Variants in ANKMY1 observed in about 807,000 individuals in gnomAD.
ANKMY1 encodes the protein ankyrin repeat and MYND domain-containing protein 1.
A neutral mutation model predicts 102.0 loss-of-function variants in ANKMY1; 98 were observed. The ratio of observed to expected loss-of-function variants is 0.96; its 90% CI spans 0.82 to 1.14. ANKMY1 has a LOEUF of 1.14. Ranked by LOEUF, ANKMY1 falls within the 50% of genes most tolerant of loss-of-function variation. ANKMY1 has a pLI of 0.00. For missense variants in ANKMY1, 1,330 were observed against 1,347.6 expected, an observed-to-expected ratio of 0.99 and a Z score of 0.20; for synonymous variants, 582 against 559.9, an observed-to-expected ratio of 1.04 and a Z score of -0.56.
chr2:240,545,790 C>T (rs1056800762), intron 4 of ANKMY1, among the ~76,000 whole-genome samples: 117 of 151,944 alleles, frequency 7.7e-4, no homozygotes, highest in Non-Finnish European at 1.3e-3. Context: ...TGAAATGAAG[C>T]GAGAAGGGAA....
chr2:240,470,811 A>G, the ANKMY1 span, among the ~76,000 whole-genome samples: 1 of 152,236 alleles, frequency 6.6e-6, no homozygotes, highest in African/African-American at 2.4e-5. Context: ...GAAATTCTGG[A>G]AAAAGTCAGT....
At chr2:240,533,393 T>A (rs1441997710) in intron 4 of ANKMY1, among the ~76,000 whole-genome samples, 1 of 152,014 alleles carries the variant, frequency 6.6e-6, no homozygotes, top group African/African-American at 2.4e-5. Context: ...AAAAGAAAAA[T>A]CATGAGCTAA....
At chr2:240,503,934 C>A (rs1320611954) in intron 13 of ANKMY1, among the ~76,000 whole-genome samples, 1 of 152,182 alleles carries the variant, frequency 6.6e-6, no homozygotes, top group Non-Finnish European at 1.5e-5. Context: ...GCACCATGAG[C>A]TGAGGAGGGC....
chr2:240,560,562 A>G (rs2092885370), upstream of ANKMY1: 2 of 1,272,104 alleles, frequency 1.6e-6, no homozygotes, highest in Non-Finnish European at 2.0e-6. Context: ...TCCACCTCGG[A>G]GGCCTCTAGG....
chr2:240,472,991 G>A, the ANKMY1 span, among the ~76,000 whole-genome samples: 1 of 89,858 alleles, frequency 1.1e-5, no homozygotes, highest in Admixed American at 1.0e-4. Context: ...CAGACATGGT[G>A]GTGCATGCTT....
chr2:240,560,860 G>T, upstream of ANKMY1: 1 of 1,350,602 alleles, frequency 7.4e-7, no homozygotes, highest in Non-Finnish European at 9.6e-7. Context: ...CCCGGCCCGC[G>T]CGCGCCCGGC....
chr2:240,490,716 T>TAA (rs1402896207), intron 15 of ANKMY1, among the ~76,000 whole-genome samples: 7 of 152,314 alleles, frequency 4.6e-5, no homozygotes, highest in African/African-American at 1.7e-4. Context: ...TTTGATCTTT[T>TAA]AAGTTTGTTG....
chr2:240,560,955 G>A (rs1254360104), upstream of ANKMY1: 2 of 1,520,676 alleles, frequency 1.3e-6, no homozygotes, highest in South Asian at 1.2e-5. Flanking sequence ...CGCCATGGAG[G>A]CCGCGGTGCG....
At chr2:240,519,197 G>A (rs776599409) in intron 9 of ANKMY1, among the ~76,000 whole-genome samples, 3 of 152,270 alleles carry the variant, frequency 2.0e-5, no homozygotes, top group African/African-American at 2.4e-5. Flanking sequence ...CACCCATCTG[G>A]AATCTTCACA....
At chr2:240,531,186 T>C (rs2085306541) in intron 4 of ANKMY1, among the ~76,000 whole-genome samples, 1 of 152,128 alleles carries the variant, frequency 6.6e-6, no homozygotes, top group Non-Finnish European at 1.5e-5. Flanking sequence ...CAAACCATAA[T>C]AACATACCAC....
intron 13 of ANKMY1, 36 bp downstream of exon 13, chr2:240,507,524 C>G (rs2079304105): frequency 2.5e-6 from 4 of 1,579,944 alleles, no homozygotes; most frequent in Admixed American, 1.7e-5. Flanking sequence ...CCCTCAAACC[C>G]CCTCACCAGG....
rs931106393 is a variant in ANKMY1 at position 240,499,428 on chromosome 2, G to A, written c.2806+530C>T. On this transcript the variant is annotated intron_variant, in intron 15 of 17. Coordinates refer to ENST00000401804, the MANE Select transcript of ANKMY1 (RefSeq NM_001282771.3). This position sits in a 1 kb window ranked among gnomAD's most constrained non-coding sequence, Gnocchi z 4.2. The stretch of plus-strand genomic sequence containing the variant: ...GTGGGGGTGACCAGGTGGGTGGGAG[G>A]TGGGTATGTGGGAGTGACTAGGTGG... 6.7e-6 allele frequency among the ~76,000 whole-genome samples: 1 copy of A among 149,160 alleles called. No homozygotes were observed. The highest frequency in any genetic ancestry group is 1.5e-5 in the Non-Finnish European group (1 of 67,152).
chr2:240,487,513 A>T (rs2076184736), intron 15 of ANKMY1, among the ~76,000 whole-genome samples: 1 of 152,130 alleles, frequency 6.6e-6, no homozygotes. Context: ...TGACTGCTGG[A>T]TCAAATGATA....
At chr2:240,541,781 C>T (rs986806314) in intron 4 of ANKMY1, among the ~76,000 whole-genome samples, 3 of 151,972 alleles carry the variant, frequency 2.0e-5, no homozygotes, top group Non-Finnish European at 4.4e-5. Context: ...GGATTACAGG[C>T]GTGAGCCACC....
intron 17 of ANKMY1, 96 bp from the exon 18 acceptor site, chr2:240,479,751 G>A (rs2075129140): frequency 9.1e-7 from 1 of 1,096,930 alleles, no homozygotes; most frequent in Non-Finnish European, 1.4e-6. Context: ...TGGGGCGGCT[G>A]AGGACTGTGC....
chr2:240,556,474 G>T (rs1400320932), intron 2 of ANKMY1, among the ~76,000 whole-genome samples: 1 of 152,232 alleles, frequency 6.6e-6, no homozygotes, highest in African/African-American at 2.4e-5. Context: ...TGCTGTTTGA[G>T]CACAAAGGAG....
chr2:240,507,371 C>A (rs1181506569), intron 13 of ANKMY1, among the ~76,000 whole-genome samples, 189 bp downstream of exon 13: 1 of 148,948 alleles, frequency 6.7e-6, no homozygotes, highest in East Asian at 2.0e-4. Flanking sequence ...TCCCGCCCCC[C>A]CTCACCAGGG....
At chr2:240,525,894 C>T (rs2083278239) in intron 6 of ANKMY1, 45 bp from the exon 7 acceptor site, 1 of 1,600,118 alleles carries the variant, frequency 6.2e-7, no homozygotes, top group Non-Finnish European at 8.5e-7. Context: ...ACCTGGCCCT[C>T]AGGGGTGGGA....
rs774451503 is a variant in ANKMY1 at position 240,485,327 on chromosome 2, C to CAAA, written c.2807-3069_2807-3067dup. The stretch of plus-strand genomic sequence containing the variant: ...TGGGCGACAGAGCGAGACTCCGTCT[C>CAAA]AAAGAAAAAAAAAAAGAAACAAAAA... On this transcript the variant is annotated intron_variant, in intron 15 of 17. Coordinates refer to ENST00000401804, the MANE Select transcript of ANKMY1 (RefSeq NM_001282771.3). 6.3e-3 allele frequency among the ~76,000 whole-genome samples: 744 copies of CAAA among 117,618 alleles called. 12 individuals are homozygous for CAAA. Among genetic ancestry groups the CAAA allele is most frequent in the Middle Eastern group, 0.01 (2 of 198 alleles). 77.2% of individuals were successfully genotyped at this position (117,618 alleles called of 152,430 possible).
Sources: gnomAD v4.1 joint callset for allele counts (sites outside exome capture counted in the v4.1 genomes callset) on GRCh38, gnomAD v4.1.1 for gene constraint, Gnocchi (gnomAD v3.1) non-coding constraint, MANE v1.5 for transcripts, NCBI Gene and HGNC (gene_info 2026-07-23, HGNC 2026-07-21) for gene names.